The following AGBL4 variants were observed in gnomAD, a reference collection of about 807,000 sequenced individuals.
The protein encoded by AGBL4 is AGBL carboxypeptidase 4.
AGBL4 carries 58 observed loss-of-function variants against 66.4 expected under a neutral mutation model. That is an observed-to-expected ratio of 0.87 (90% CI 0.71 to 1.09). The LOEUF is 1.09. Ranked by LOEUF, AGBL4 falls within the 50% of genes least tolerant of loss-of-function variation. AGBL4 has a pLI of 0.00. For missense variants in AGBL4, 579 were observed against 631.0 expected (o/e 0.92, Z 0.88); for synonymous variants, 234 against 222.9 (o/e 1.05, Z -0.44).
rs575557173 is a variant in AGBL4 at position 48,951,115 on chromosome 1, G to A, written c.595-83885C>T. ...GTAACTAGACCAAGGTAACACAGATGTCACCTTCGGAGCTAAGTCTAGACT... is the reference window on the plus strand; with the variant it reads ...GTAACTAGACCAAGGTAACACAGATATCACCTTCGGAGCTAAGTCTAGACT... On this transcript the variant is annotated intron_variant, in intron 5 of 13. Transcript: ENST00000371839. Among the ~76,000 whole-genome samples, 6 of 152,288 alleles carry A rather than the reference G, an allele frequency of 3.9e-5. No individual in the cohort carries two copies. In the South Asian group the frequency reaches 1.2e-3, roughly 32 times the overall value.
chr1:49,117,059 G>A (rs1006963568), intron 4 of AGBL4, among the ~76,000 whole-genome samples: 3 of 151,432 alleles, frequency 2.0e-5, no homozygotes, highest in African/African-American at 4.9e-5. Flanking sequence ...CCCACTTTTT[G>A]ATGGGGTTTT....
chr1:49,625,094 T>A (rs976970505), intron 3 of AGBL4, among the ~76,000 whole-genome samples: 1 of 152,182 alleles, frequency 6.6e-6, no homozygotes, highest in Admixed American at 6.5e-5. Flanking sequence ...TTCAATAACA[T>A]CTGACACTAA....
intron 1 of AGBL4, among the ~76,000 whole-genome samples, chr1:49,936,577 C>A (rs1043730346): frequency 2.6e-5 from 4 of 152,174 alleles, no homozygotes; most frequent in Non-Finnish European, 4.4e-5. Context: ...ATGTTAAGGG[C>A]AGCCAGAGAG....
At chr1:49,522,702 C>T (rs187661958) in intron 3 of AGBL4, among the ~76,000 whole-genome samples, 2 of 152,118 alleles carry the variant, frequency 1.3e-5, no homozygotes, top group African/African-American at 2.4e-5. Flanking sequence ...CCTGTAATTT[C>T]TTTCCTTAGA....
intron 1 of AGBL4, among the ~76,000 whole-genome samples, chr1:49,948,007 TA>T (rs796820195): frequency 2.0e-5 from 1 of 49,860 alleles, no homozygotes; most frequent in Non-Finnish European, 3.1e-5. Flanking sequence ...TAAATATATA[TA>T]AATATATAAA....
intron 6 of AGBL4, among the ~76,000 whole-genome samples, chr1:48,719,456 T>C (rs767154142): frequency 1.2e-4 from 18 of 152,110 alleles, no homozygotes; most frequent in Admixed American, 4.6e-4. Flanking sequence ...TCCCTCTCCC[T>C]CCAAACCATT....
chr1:49,502,734 A>G (rs116463422), intron 3 of AGBL4, among the ~76,000 whole-genome samples: 2,787 of 152,192 alleles, frequency 0.018, 51 homozygotes, highest in Non-Finnish European at 0.031. Context: ...TGCTTTAGTA[A>G]AGAGACTGAT....
At chr1:49,528,071 T>C (rs1650808524) in intron 3 of AGBL4, among the ~76,000 whole-genome samples, 1 of 152,086 alleles carries the variant, frequency 6.6e-6, no homozygotes, top group Non-Finnish European at 1.5e-5. Context: ...ACAAAGTGAC[T>C]GATTTTAGAG....
chr1:48,747,487 AAGTAT>A (rs1259530399), intron 6 of AGBL4, among the ~76,000 whole-genome samples: 1 of 152,232 alleles, frequency 6.6e-6, no homozygotes, highest in African/African-American at 2.4e-5. Flanking sequence ...CCCAGAGACA[AAGTAT>A]GTTCCTGTTC....
At chr1:48,603,800 T>C (rs1051147374) in intron 9 of AGBL4, among the ~76,000 whole-genome samples, 4 of 151,716 alleles carry the variant, frequency 2.6e-5, no homozygotes, top group African/African-American at 9.7e-5. Flanking sequence ...GATAAGGTCC[T>C]CAATTAAAGC....
At chr1:48,660,890 AG>A (rs1475739677) in intron 7 of AGBL4, among the ~76,000 whole-genome samples, 1 of 152,148 alleles carries the variant, frequency 6.6e-6, no homozygotes, top group Non-Finnish European at 1.5e-5. Context: ...CCCATCCCTG[AG>A]TGGGACAAGG....
intron 4 of AGBL4, among the ~76,000 whole-genome samples, chr1:49,144,794 A>T (rs1646185838): frequency 6.6e-6 from 1 of 152,226 alleles, no homozygotes; most frequent in Admixed American, 6.5e-5. Context: ...AGAGGAAGAC[A>T]CGTAGTTAGG....
At chr1:49,941,513 T>G (rs960431893) in intron 1 of AGBL4, among the ~76,000 whole-genome samples, 3 of 151,972 alleles carry the variant, frequency 2.0e-5, no homozygotes. Flanking sequence ...CAACAACACA[T>G]TAAAAGTATC....
chr1:48,585,326 T>C (rs1188349889), intron 11 of AGBL4: 1 of 152,210 alleles, frequency 6.6e-6, no homozygotes, highest in Admixed American at 6.5e-5. Context: ...GAATCCCCTT[T>C]AGTGCACAAG....
At chr1:49,006,661 A>G (rs1344661262) in intron 5 of AGBL4, among the ~76,000 whole-genome samples, 30 of 151,060 alleles carry the variant, frequency 2.0e-4, no homozygotes, top group African/African-American at 1.9e-4. Context: ...TGGTTCTCCC[A>G]GTACGCAGCT....
chr1:48,690,334 G>T (rs112624158), intron 6 of AGBL4, among the ~76,000 whole-genome samples: 3,914 of 152,214 alleles, frequency 0.026, 78 homozygotes, highest in Non-Finnish European at 0.04. Context: ...AGGATGGGGT[G>T]GGGGGCGCAG....
chr1:49,752,839 C>G (rs1001186138), intron 2 of AGBL4, among the ~76,000 whole-genome samples: 1 of 152,124 alleles, frequency 6.6e-6, no homozygotes, highest in Non-Finnish European at 1.5e-5. Context: ...TTCTTTGTCT[C>G]TTTTGATCTT....
At chr1:48,866,058 G>A (rs11205562) in intron 6 of AGBL4, among the ~76,000 whole-genome samples, 135,350 of 152,170 alleles carry the variant, frequency 0.89, 60,787 homozygotes, top group Non-Finnish European at 0.96. Flanking sequence ...AAAGAGTTCT[G>A]TCAGGTATAG....
At chr1:48,909,153 T>C (rs1216896629) in intron 5 of AGBL4, among the ~76,000 whole-genome samples, 2 of 152,332 alleles carry the variant, frequency 1.3e-5, no homozygotes. Context: ...TATTTGAGTA[T>C]GCCCAAAACA....
Sources: gnomAD v4.1 joint callset for allele counts (sites outside exome capture counted in the v4.1 genomes callset) on GRCh38, gnomAD v4.1.1 for gene constraint, MANE v1.5 for transcripts, NCBI Gene and HGNC (gene_info 2026-07-23, HGNC 2026-07-21) for gene names.